The following GREB1L variants were observed in gnomAD, a reference collection of about 807,000 sequenced individuals.
The protein encoded by GREB1L is GREB1 like retinoic acid receptor coactivator, also known as GREB1-like protein.
GREB1L carries 17 observed loss-of-function variants against 200.8 expected under a neutral mutation model. The observed-to-expected ratio is 0.08, with a 90% CI of 0.06 to 0.13. The LOEUF (loss-of-function observed/expected upper bound fraction) is 0.13, where lower values mean the gene tolerates loss of function less well. GREB1L is among the 10% of genes least tolerant of loss of function. GREB1L has a pLI of 1.00. For synonymous variants in GREB1L, 789 were observed against 893.0 expected (o/e 0.88, Z 2.08); for missense variants, 1,657 against 2,367.7 (o/e 0.70, Z 6.23).
intron 1 of GREB1L, among the ~76,000 whole-genome samples, chr18:21,256,822 A>T (rs1175244787): frequency 6.6e-6 from 1 of 151,988 alleles, no homozygotes; most frequent in African/African-American, 2.4e-5. Flanking sequence ...CCTGGCTAAC[A>T]TGGTGAAACC....
chr18:21,337,975 A>C (rs1444287079), intron 1 of GREB1L, among the ~76,000 whole-genome samples: 1 of 152,164 alleles, frequency 6.6e-6, no homozygotes, highest in Non-Finnish European at 1.5e-5. Context: ...CGACAGAGCA[A>C]GACTCCGTCT....
chr18:21,372,164 T>G lies in GREB1L; in HGVS notation c.-10+6028T>G, dbSNP rs528539541. Among the ~76,000 whole-genome samples the G allele has an allele frequency of 6.4e-4, 98 of 152,080 alleles. No homozygotes were observed. In the Middle Eastern group the frequency reaches 0.014, roughly 21 times the overall value. Reference sequence around the variant, plus strand: ...AATTTGTCTCTCTTTTTTTTTTTTTTTTGAGACAGAGTCTCGCTCTGTTGC... The same window carrying G: ...AATTTGTCTCTCTTTTTTTTTTTTTGTTGAGACAGAGTCTCGCTCTGTTGC... On this transcript the variant is annotated intron_variant, in intron 2 of 32. Coordinates refer to ENST00000424526, the MANE Select transcript of GREB1L (RefSeq NM_001142966.3).
At chr18:21,300,736 T>C (rs1475115099) in intron 1 of GREB1L, among the ~76,000 whole-genome samples, 1 of 152,222 alleles carries the variant, frequency 6.6e-6, no homozygotes, top group Admixed American at 6.5e-5. Context: ...TCCTATTTTC[T>C]TTCCTTTTTC....
intron 7 of GREB1L, among the ~76,000 whole-genome samples, chr18:21,434,587 A>ATATATG (rs2033419247): frequency 6.6e-6 from 1 of 150,652 alleles, no homozygotes; most frequent in African/African-American, 2.5e-5. Flanking sequence ...ATATATATAT[A>ATATATG]TATGGCTTTG....
chr18:21,355,343 G>A (rs1197553265), intron 1 of GREB1L, among the ~76,000 whole-genome samples: 3 of 152,064 alleles, frequency 2.0e-5, no homozygotes, highest in Middle Eastern at 3.4e-3. Context: ...ACAGGCACAC[G>A]CCTCCATGCC....
intron 23 of GREB1L, among the ~76,000 whole-genome samples, chr18:21,500,901 T>C (rs2036762200): frequency 6.6e-6 from 1 of 152,000 alleles, no homozygotes; most frequent in Non-Finnish European, 1.5e-5. Flanking sequence ...AAACCCCATC[T>C]CTACTGAAAA....
intron 2 of GREB1L, among the ~76,000 whole-genome samples, chr18:21,375,097 T>G (rs1359474654): frequency 1.3e-5 from 2 of 151,410 alleles, no homozygotes; most frequent in African/African-American, 2.4e-5. Flanking sequence ...GGAGTCTCAC[T>G]CTGTTGCCCT....
intron 7 of GREB1L, among the ~76,000 whole-genome samples, chr18:21,423,274 T>G (rs541137795): frequency 6.6e-6 from 1 of 152,246 alleles, no homozygotes; most frequent in South Asian, 2.1e-4. Flanking sequence ...ACATTAAGCA[T>G]TGTTGCATTT....
chr18:21,247,013 G>A (rs1298026775), intron 1 of GREB1L, among the ~76,000 whole-genome samples: 1 of 152,200 alleles, frequency 6.6e-6, no homozygotes, highest in Non-Finnish European at 1.5e-5. Flanking sequence ...GCCCTTGTGA[G>A]TTCTGGAGTT....
rs1421768780 is a variant in GREB1L, at chr18:21,523,684, C to T, written c.*863C>T. On this transcript the variant is annotated 3_prime_UTR_variant, in exon 33 of 33. Coordinates refer to ENST00000424526, the MANE Select transcript of GREB1L (RefSeq NM_001142966.3). ...TTGGTTGGAATTAAGCAGTTGGCAC[C>T]AGCAAACCTAAATGTCAGGCTGAGG... 1.3e-5 allele frequency: 2 copies of T among 152,198 alleles called. No individual in the cohort carries two copies. The highest frequency in any genetic ancestry group is 2.4e-5 in the African/African-American group (1 of 41,446). The allele number at this position is 152,198 out of a possible 1,614,324, so 9.4% of individuals were successfully genotyped here. A position where few individuals can be genotyped will look rare whatever the true frequency, so the allele number is the denominator to read the frequency against.
At chr18:21,353,443 G>A (rs1216954325) in intron 1 of GREB1L, among the ~76,000 whole-genome samples, 1 of 151,954 alleles carries the variant, frequency 6.6e-6, no homozygotes, top group Admixed American at 6.6e-5. Flanking sequence ...GGGTACTAAT[G>A]TTTTACTTTA....
At chr18:21,243,299 C>T (rs1213881012) in intron 1 of GREB1L, among the ~76,000 whole-genome samples, 3 of 152,152 alleles carry the variant, frequency 2.0e-5, no homozygotes, top group South Asian at 2.1e-4. Context: ...GAACGCGACT[C>T]GTTTGCCCGG....
rs7233396 is a variant in GREB1L, at chr18:21,300,799, C to G, written c.-120+58406C>G. 4.0e-3 allele frequency among the ~76,000 whole-genome samples: 605 copies of G among 152,276 alleles called. 3 individuals carry two copies. The highest frequency in any genetic ancestry group is 0.014 in the African/African-American group (585 of 41,556). On this transcript the variant is annotated intron_variant, in intron 1 of 32. Transcript: ENST00000424526. ...TCACCCCTTCTTCCCCAACAGGACACACACACCATCCGTGTGTGAGGGGTG... is the reference window on the plus strand; with the variant it reads ...TCACCCCTTCTTCCCCAACAGGACAGACACACCATCCGTGTGTGAGGGGTG...
intron 1 of GREB1L, among the ~76,000 whole-genome samples, chr18:21,365,070 T>TG (rs1371823440): frequency 1.3e-5 from 2 of 152,146 alleles, no homozygotes; most frequent in Non-Finnish European, 2.9e-5. Flanking sequence ...GACATTCTTC[T>TG]GACAGTAAGA....
chr18:21,383,902 G>A (rs1336087070), intron 3 of GREB1L, among the ~76,000 whole-genome samples: 3 of 151,880 alleles, frequency 2.0e-5, no homozygotes, highest in African/African-American at 4.8e-5. Flanking sequence ...TTTTATTAAA[G>A]ACAGGATTTC....
chr18:21,439,878 A>G (rs1217050609), intron 8 of GREB1L, among the ~76,000 whole-genome samples: 8 of 152,218 alleles, frequency 5.3e-5, no homozygotes, highest in Admixed American at 6.5e-5. Context: ...TTGAAAAACC[A>G]TGGGTTTAGC....
At position 21,526,041 on chromosome 18, in the gene GREB1L, C is replaced by G. The variant is rs1199649417; in HGVS notation, c.*3220C>G. Among the ~76,000 whole-genome samples, 2 of 152,146 alleles carry G rather than the reference C, an allele frequency of 1.3e-5. No individual in the cohort carries two copies. Among genetic ancestry groups the G allele is most frequent in the Non-Finnish European group, 2.9e-5 (2 of 68,028 alleles). On this transcript the variant is annotated 3_prime_UTR_variant, in exon 33 of 33. Transcript: ENST00000424526. ...GACTATTAATTAACTGTGAAACTGA[C>G]TGCTGCAACATCACACTAAACTACT... is the stretch of plus-strand genomic sequence containing the variant.
chr18:21,370,657 T>G (rs1436338183), intron 2 of GREB1L, among the ~76,000 whole-genome samples: 1 of 152,218 alleles, frequency 6.6e-6, no homozygotes, highest in Non-Finnish European at 1.5e-5. Context: ...GGGGACTTGT[T>G]CAAGATCACA....
chr18:21,500,239 A>C lies in GREB1L; in HGVS notation c.3902A>C (p.Gln1301Pro). 6.6e-7 allele frequency: 1 copy of C among 1,523,724 alleles called. No homozygotes were observed. Among genetic ancestry groups the C allele is most frequent in the Non-Finnish European group, 8.8e-7 (1 of 1,130,482 alleles). 94.4% of individuals were successfully genotyped at this position (1,523,724 alleles called of 1,614,324 possible). The stretch of plus-strand genomic sequence containing the variant: ...CAGCACCACGCTGACTATAGCAACC[A>C]GCTGGACCCGGCCTCTGGCACCCGA... The part of the protein sequence containing the change: ...ARQHHADYSN[Q>P]LDPASGTRNF... The change falls in exon 22 of 33, where the codon CAG becomes CCG. Residue 1301 changes from glutamine to proline, a missense_variant. Gln to Pro is a moderately conservative substitution (Grantham distance 76, BLOSUM62 -1). Transcript: ENST00000424526.
Sources: allele counts gnomAD v4.1 joint callset (sites outside exome capture counted in the v4.1 genomes callset), GRCh38; gene constraint gnomAD v4.1.1; transcripts MANE v1.5; gene names NCBI Gene and HGNC (gene_info 2026-07-23, HGNC 2026-07-21).